Variants in YIPF2 observed in about 807,000 individuals in gnomAD.
YIPF2 encodes the protein Yip1 domain family member 2.
In YIPF2, 30 loss-of-function variants were observed where a neutral mutation model predicts 38.8. The observed-to-expected ratio is 0.77, with a 90% CI of 0.58 to 1.05. The LOEUF (loss-of-function observed/expected upper bound fraction) is 1.05, where lower values mean the gene tolerates loss of function less well. Ranked by LOEUF, YIPF2 falls within the 50% of genes least tolerant of loss-of-function variation. The pLI, the probability that YIPF2 is intolerant of heterozygous loss-of-function variation, is 0.00. For synonymous variants in YIPF2, 194 were observed against 183.8 expected, an observed-to-expected ratio of 1.06 and a Z score of -0.45; for missense variants, 401 against 409.7, an observed-to-expected ratio of 0.98 and a Z score of 0.18.
chr19:10,923,442 G>T (rs1168568536), intron 8 of YIPF2, 35 bp from the exon 9 acceptor site: 1 of 1,613,248 alleles, frequency 6.2e-7, no homozygotes, highest in Non-Finnish European at 8.5e-7. Context: ...GGCAGGGCCA[G>T]CCCATGCCCC....
chr19:10,926,196 C>T (rs1376694457), intron 4 of YIPF2, among the ~76,000 whole-genome samples: 1 of 151,654 alleles, frequency 6.6e-6, no homozygotes, highest in East Asian at 1.9e-4. Flanking sequence ...CAGGCGTGAG[C>T]CACCGTTCCC....
Position 10,928,635 on chromosome 19 carries a change from C to T in YIPF2, c.-155G>A. 2.4e-6 allele frequency: 2 copies of T among 838,544 alleles called. No individual in the cohort carries two copies. Among genetic ancestry groups the T allele is most frequent in the South Asian group, 2.0e-5 (1 of 48,834 alleles). 51.9% of individuals were successfully genotyped at this position (838,544 alleles called of 1,614,324 possible). On this transcript the variant is annotated 5_prime_UTR_variant, in exon 1 of 10. Coordinates refer to ENST00000586748, the MANE Select transcript of YIPF2 (RefSeq NM_001321439.2). ...TGGGGCTCTCTGCGCCTGCGCGTCT[C>T]GCCTACCCGTCAGACTCCAACCGAC...
In YIPF2 at chr19:10,923,295, G is replaced by C. The variant is rs746168068; in HGVS notation, c.947C>G (p.Ser316Cys). 3 of 1,608,454 alleles carry C rather than the reference G, an allele frequency of 1.9e-6. No homozygotes were observed. Among genetic ancestry groups the C allele is most frequent in the Non-Finnish European group, 2.5e-6 (3 of 1,178,084 alleles). The change falls in exon 9 of 10, where the codon TCC becomes TGC. Residue 316 changes from serine (S) to cysteine (C), a missense_variant. Coordinates refer to ENST00000586748, the MANE Select transcript of YIPF2 (RefSeq NM_001321439.2). ...ACCTGTGGGACCCGGGCCTTCCTAG[G>C]AGGGGGCCAGGGACTGCGGCAAGGT... ...SPTLPQSLAPS is the reference protein window; with the variant it reads ...SPTLPQSLAPC
rs1164689362 is a variant in YIPF2, at chr19:10,927,652, A to C, written c.257T>G (p.Phe86Cys). 6.2e-7 allele frequency: 1 copy of C among 1,613,874 alleles called. No individual in the cohort carries two copies. The highest frequency in any genetic ancestry group is 8.5e-7 in the Non-Finnish European group (1 of 1,179,998). Residue 86 changes from phenylalanine to cysteine, a missense_variant, in exon 4 of 10, where the codon TTC becomes TGC. By Grantham distance (205) the Phe-to-Cys change is radical. Coordinates refer to ENST00000586748, the MANE Select transcript of YIPF2 (RefSeq NM_001321439.2). ...GFWTFSYYQS[F>C]FDVDTSQVLD... ...GACCTGTGAGGTGTCCACGTCAAAG[A>C]AGCTCTGATAGTAGCTGAAGGTCCA...
intron 6 of YIPF2, 28 bp from the exon 7 acceptor site, chr19:10,924,027 C>T (rs368809248): frequency 2.5e-6 from 4 of 1,612,684 alleles, no homozygotes; most frequent in African/African-American, 1.3e-5. Context: ...AGCAGTCACC[C>T]CCTGTACCCC....
chr19:10,923,987 C>T lies in YIPF2; in HGVS notation c.497G>A (p.Gly166Asp), dbSNP rs144691340. 9.1e-5 allele frequency: 146 copies of T among 1,612,730 alleles called. No individual in the cohort carries two copies. Among genetic ancestry groups the T allele is most frequent in the Non-Finnish European group, 1.2e-4 (138 of 1,179,452 alleles). Residue 166 changes from glycine to aspartate, a missense_variant, in exon 7 of 10, where the codon GGC becomes GAC. Coordinates refer to ENST00000586748, the MANE Select transcript of YIPF2 (RefSeq NM_001321439.2). ...SPQFHKVTVA[G>D]ISIYCYAWLV... Reference sequence around the variant, plus strand: ...CCACGCATAGCAGTAGATGCTGATGCCTGCCACGGTCACTGGGGGGGGCAA... The same window carrying T: ...CCACGCATAGCAGTAGATGCTGATGTCTGCCACGGTCACTGGGGGGGGCAA...
chr19:10,923,130 C>T lies in YIPF2; in HGVS notation c.*64G>A. 4.7e-6 allele frequency: 3 copies of T among 632,408 alleles called. No individual in the cohort carries two copies. The highest frequency in any genetic ancestry group is 7.9e-6 in the Non-Finnish European group (3 of 382,078). 39.2% of individuals were successfully genotyped at this position (632,408 alleles called of 1,614,324 possible). A position where few individuals can be genotyped will look rare whatever the true frequency, so the allele number is the denominator to read the frequency against. On this transcript the variant is annotated 3_prime_UTR_variant, in exon 10 of 10. Transcript: ENST00000586748. ...TGTCAAAGGAGCCTTCAGTCATCGT[C>T]TGGGGGGCAGGACAGGCAGAGGGGT... is the stretch of plus-strand genomic sequence containing the variant.
In YIPF2 at chr19:10,922,759, G is replaced by A. The variant is rs1487598609; in HGVS notation, c.*435C>T. The A allele has an allele frequency of 6.6e-6, 1 of 152,580 alleles. No homozygotes were observed. Among genetic ancestry groups the A allele is most frequent in the Non-Finnish European group, 1.5e-5 (1 of 68,272 alleles). 9.5% of individuals were successfully genotyped at this position (152,580 alleles called of 1,614,324 possible). On this transcript the variant is annotated 3_prime_UTR_variant, in exon 10 of 10. Transcript: ENST00000586748. ...AGAAAAAGAAAGAAAAAATAAATGA[G>A]GAAACGTGTTGCAGCACAGGCAGTT...
chr19:10,925,583 T>C, intron 5 of YIPF2, 103 bp downstream of exon 5: 2 of 1,348,696 alleles, frequency 1.5e-6, no homozygotes, highest in Non-Finnish European at 2.1e-6. Flanking sequence ...TAAGTCACAC[T>C]GTCTGAGTGA....
chr19:10,924,308 TCACCAGGA>T, intron 5 of YIPF2, 116 bp from the exon 6 acceptor site: 2 of 912,818 alleles, frequency 2.2e-6, no homozygotes, highest in Non-Finnish European at 3.3e-6. Flanking sequence ...CTTGCCTGAC[TCACCAGGA>T]CACCGGGGGC....
chr19:10,928,279 GC>G, intron 2 of YIPF2, 100 bp downstream of exon 2: 1 of 1,303,824 alleles, frequency 7.7e-7, no homozygotes, highest in South Asian at 2.4e-5. Flanking sequence ...AGGGTTCACA[GC>G]CGCCTAGGCT....
At chr19:10,925,495 ACTC>A (rs531172726) in intron 5 of YIPF2, among the ~76,000 whole-genome samples, 188 bp downstream of exon 5, 13 of 150,366 alleles carry the variant, frequency 8.6e-5, no homozygotes, top group Admixed American at 4.6e-4. Context: ...CTGCAGGGCC[ACTC>A]CTCCTGTCTG....
intron 4 of YIPF2, 38 bp from the exon 5 acceptor site, chr19:10,925,811 A>G (rs1475333198): frequency 6.2e-7 from 1 of 1,603,950 alleles, no homozygotes; most frequent in Admixed American, 1.7e-5. Flanking sequence ...GAAGTCTGCC[A>G]GGAGCTTCTC....
chr19:10,928,083 T>C, intron 2 of YIPF2, 124 bp from the exon 3 acceptor site: 2 of 1,386,796 alleles, frequency 1.4e-6, no homozygotes, highest in Non-Finnish European at 2.0e-6. Context: ...TCCCCCAAGG[T>C]GGGGCCCAAC....
In YIPF2 at chr19:10,924,065, C is replaced by T. The variant is rs772997718; in HGVS notation, c.484+11G>A. 3.7e-5 allele frequency: 60 copies of T among 1,613,482 alleles called. No homozygotes were observed. Among genetic ancestry groups the T allele is most frequent in the Middle Eastern group, 3.3e-4 (2 of 6,058 alleles). The stretch of plus-strand genomic sequence containing the variant: ...GGCCCTGCCAGGCATTGGGCCTGCC[C>T]GTCTGCTTACCCTTGTGGAACTGGG... On this transcript the variant is annotated intron_variant, in intron 6 of 9. Transcript: ENST00000586748.
At chr19:10,928,293 G>A in intron 2 of YIPF2, 87 bp downstream of exon 2, 2 of 1,313,034 alleles carry the variant, frequency 1.5e-6, no homozygotes, top group Non-Finnish European at 2.0e-6. Context: ...CCTAGGCTTC[G>A]GGGTAGAGAA....
chr19:10,925,363 C>A (rs2083406731), intron 5 of YIPF2, among the ~76,000 whole-genome samples: 1 of 152,172 alleles, frequency 6.6e-6, no homozygotes, highest in Admixed American at 6.5e-5. Flanking sequence ...CAAGTTCCTG[C>A]CATGAAGCTT....
intron 5 of YIPF2, 119 bp downstream of exon 5, chr19:10,925,567 A>T: frequency 8.5e-7 from 1 of 1,183,338 alleles, no homozygotes; most frequent in Non-Finnish European, 1.2e-6. Flanking sequence ...CTCCCTGAAC[A>T]GCAGGTAAGT....
chr19:10,923,997 T>G lies in YIPF2; in HGVS notation c.487A>C (p.Thr163Pro), dbSNP rs2074320176. Reference sequence around the variant, plus strand: ...CAGTAGATGCTGATGCCTGCCACGGTCACTGGGGGGGGCAAGGTGAGCAGT... The same window carrying G: ...CAGTAGATGCTGATGCCTGCCACGGGCACTGGGGGGGGCAAGGTGAGCAGT... ...IHYSPQFHKV[T>P]VAGISIYCYA... The change falls in exon 7 of 10, where the codon ACC becomes CCC. Residue 163 changes from threonine to proline, a missense_variant and splice_region_variant. Physicochemically the swap from Thr to Pro is conservative, Grantham distance 38 (BLOSUM62 -1). Transcript: ENST00000586748. The G allele has an allele frequency of 6.2e-7, 1 of 1,612,692 alleles. No individual in the cohort carries two copies. The highest frequency in any genetic ancestry group is 8.5e-7 in the Non-Finnish European group (1 of 1,179,338).
Sources: gnomAD v4.1 joint callset for allele counts (sites outside exome capture counted in the v4.1 genomes callset) on GRCh38, gnomAD v4.1.1 for gene constraint, MANE v1.5 for transcripts, NCBI Gene and HGNC (gene_info 2026-07-23, HGNC 2026-07-21) for gene names.